The following ADARB1 variants were observed in gnomAD, a reference collection of about 807,000 sequenced individuals.
ADARB1 encodes the protein double-stranded RNA-specific editase 1.
Under a neutral mutation model 52.4 loss-of-function variants are expected in ADARB1, and 10 were observed. That is an observed-to-expected ratio of 0.19 (90% CI 0.12 to 0.32). ADARB1 has a LOEUF of 0.32. Ranked by LOEUF, ADARB1 falls within the 10% of genes least tolerant of loss-of-function variation. ADARB1 has a pLI of 1.00. For synonymous variants in ADARB1, 349 were observed against 371.1 expected (o/e 0.94, Z 0.68); for missense variants, 643 against 922.3 (o/e 0.70, Z 3.92).
rs2091971666 is a variant in ADARB1, at chr21:45,182,743, C to T, written c.1237C>T (p.Leu413Phe). The change falls in exon 6 of 11, where the codon CTT (leucine) becomes TTT (phenylalanine). Residue 413 changes from leucine to phenylalanine, a missense_variant. Leu to Phe is a conservative substitution (Grantham distance 22, BLOSUM62 0). Transcript: ENST00000348831. ...CAGATTTCTTTATACACAACTTGAG[C>T]TTTACTTAAAGTAAGTTTAGTAAAC... Reference protein sequence around the residue: ...LLRFLYTQLELYLNNKDDQKR... With the variant: ...LLRFLYTQLEFYLNNKDDQKR... 1 of 1,580,748 alleles carries T rather than the reference C, an allele frequency of 6.3e-7. No individual in the cohort carries two copies. The highest frequency in any genetic ancestry group is 8.6e-7 in the Non-Finnish European group (1 of 1,166,688).
intron 1 of ADARB1, among the ~76,000 whole-genome samples, chr21:45,085,464 C>A (rs910296565): frequency 6.6e-6 from 1 of 152,166 alleles, no homozygotes; most frequent in African/African-American, 2.4e-5. Context: ...ACTTCAGCGC[C>A]GTGGCTGCAG....
rs912345003 is a variant in ADARB1, at chr21:45,204,875, G to A, written c.1747+139G>A. The stretch of plus-strand genomic sequence containing the variant: ...CAGAGTCCTTCTAAAGAGACCCAAG[G>A]TGATGTTTCTGAGGCTCTCCGGGCC... On this transcript the variant is annotated intron_variant, in intron 9 of 10. Transcript: ENST00000348831. This position sits in a 1 kb window ranked among gnomAD's most constrained non-coding sequence, Gnocchi z 4.4. 1 of 939,306 alleles carries A rather than the reference G, an allele frequency of 1.1e-6. No homozygotes were observed. Among genetic ancestry groups the A allele is most frequent in the Non-Finnish European group, 1.5e-6 (1 of 648,226 alleles). The allele number at this position is 939,306 out of a possible 1,614,324, so 58.2% of individuals were successfully genotyped here. A position where few individuals can be genotyped will look rare whatever the true frequency, so the allele number is the denominator to read the frequency against.
At chr21:45,190,109 GT>G (rs2092240272) in intron 8 of ADARB1, among the ~76,000 whole-genome samples, 1 of 151,928 alleles carries the variant, frequency 6.6e-6, no homozygotes, top group Non-Finnish European at 1.5e-5. Context: ...TGTTCCGTAA[GT>G]CCCTTAGTCT....
intron 1 of ADARB1, among the ~76,000 whole-genome samples, chr21:45,101,286 C>T (rs1283537762): frequency 1.3e-5 from 2 of 152,170 alleles, no homozygotes; most frequent in South Asian, 2.1e-4. Flanking sequence ...GTGCCCTGCG[C>T]GCGGGCGGGC....
rs1357404832 is a variant in ADARB1 at position 45,225,739 on chromosome 21, T to C, written c.*3542T>C. ...TGCCCCAGGCATAAAGAAGGAAAAT[T>C]GGCCATCTTTCCCACCTCTAAATTC... On this transcript the variant is annotated 3_prime_UTR_variant, in exon 11 of 11. Coordinates refer to ENST00000348831, the MANE Select transcript of ADARB1 (RefSeq NM_001112.4). The C allele has an allele frequency of 8.9e-6, 4 of 448,460 alleles. No individual in the cohort carries two copies. The highest frequency in any genetic ancestry group is 1.5e-5 in the Non-Finnish European group (4 of 269,462). The allele number at this position is 448,460 out of a possible 1,614,324, so 27.8% of individuals were successfully genotyped here.
At chr21:45,096,219 G>C (rs553480718) in intron 1 of ADARB1, among the ~76,000 whole-genome samples, 6 of 152,254 alleles carry the variant, frequency 3.9e-5, no homozygotes, top group African/African-American at 1.2e-4. Context: ...GAGGAGGACC[G>C]GCTGGGCTAA....
At chr21:45,132,425 G>A (rs1326351754) in intron 2 of ADARB1, 1 of 152,212 alleles carries the variant, frequency 6.6e-6, no homozygotes. Context: ...CCTGGAACTA[G>A]GAAGCCAGAC....
Position 45,200,226 on chromosome 21 carries a change from G to T in ADARB1, c.1566-4329G>T, listed in dbSNP as rs1277600619. On this transcript the variant is annotated intron_variant, in intron 8 of 10. Transcript: ENST00000348831. This position sits in a 1 kb window ranked among gnomAD's most constrained non-coding sequence, Gnocchi z 5.0. ...GGCCCAGGGCCATGGTAGGTTGGGG[G>T]TGGGGTGGGAGCCACAGCACTGCCA... Among the ~76,000 whole-genome samples, 6 of 152,194 alleles carry T rather than the reference G, an allele frequency of 3.9e-5. No homozygotes were observed. The highest frequency in any genetic ancestry group is 1.4e-4 in the African/African-American group (6 of 41,452).
chr21:45,222,204 C>T lies in ADARB1; in HGVS notation c.*7C>T, dbSNP rs2092977999. 1.3e-6 allele frequency: 2 copies of T among 1,552,546 alleles called. No individual in the cohort carries two copies. Among genetic ancestry groups the T allele is most frequent in the Non-Finnish European group, 1.7e-6 (2 of 1,153,570 alleles). On this transcript the variant is annotated 3_prime_UTR_variant, in exon 11 of 11. Transcript: ENST00000348831. ...GTTCTCACTCACGCCCTGACCCGGG[C>T]AGACATGATGGGGGGTGCAGGGGGC... is the stretch of plus-strand genomic sequence containing the variant.
intron 1 of ADARB1, among the ~76,000 whole-genome samples, chr21:45,097,273 C>G (rs1270143528): frequency 2.6e-5 from 4 of 152,096 alleles, no homozygotes; most frequent in Non-Finnish European, 4.4e-5. Context: ...AAAAACTAAG[C>G]TTATGAGCTT....
chr21:45,163,058 A>T (rs775074586), intron 2 of ADARB1, among the ~76,000 whole-genome samples: 2 of 152,214 alleles, frequency 1.3e-5, no homozygotes, highest in Non-Finnish European at 1.5e-5. Context: ...GAGGCTTCCC[A>T]TCCAGAGTGA....
intron 5 of ADARB1, 48 bp downstream of exon 5, chr21:45,180,492 C>A: frequency 6.8e-7 from 1 of 1,462,588 alleles, no homozygotes; most frequent in Non-Finnish European, 9.5e-7. Context: ...TCATGTCTGA[C>A]AAATGTGAAA....
intron 2 of ADARB1, chr21:45,152,476 A>C (rs921708437): frequency 2.1e-5 from 5 of 237,796 alleles, no homozygotes; most frequent in African/African-American, 9.3e-5. Flanking sequence ...GCAGAGGAGG[A>C]GGCTCCCTCG....
chr21:45,107,510 A>C (rs1163562197), intron 1 of ADARB1, among the ~76,000 whole-genome samples: 1 of 152,244 alleles, frequency 6.6e-6, no homozygotes, highest in Non-Finnish European at 1.5e-5. Context: ...ATGAAGAACC[A>C]GACAGACCAA....
chr21:45,139,110 G>A (rs750338653), intron 2 of ADARB1, among the ~76,000 whole-genome samples: 4 of 151,978 alleles, frequency 2.6e-5, no homozygotes, highest in Non-Finnish European at 5.9e-5. Flanking sequence ...TTGTAGAGAC[G>A]GGGTTTTGCT....
intron 2 of ADARB1, among the ~76,000 whole-genome samples, chr21:45,164,068 G>A (rs1414298960): frequency 6.6e-6 from 1 of 152,158 alleles, no homozygotes; most frequent in Non-Finnish European, 1.5e-5. Flanking sequence ...AATGATAGAA[G>A]TTCATGCTTT....
In ADARB1 at chr21:45,172,971, T is replaced by G. The variant is rs535556133; in HGVS notation, c.28+1287T>G. Among the ~76,000 whole-genome samples, 1 of 152,328 alleles carries G rather than the reference T, an allele frequency of 6.6e-6. No homozygotes were observed. Among genetic ancestry groups the G allele is most frequent in the East Asian group, 1.9e-4 (1 of 5,192 alleles). ...AAGAGAGAGGTTACGTCCATACTCC[T>G]CATTTGAGAAAATGTGACCTGTGCT... On this transcript the variant is annotated intron_variant, in intron 3 of 10. Coordinates refer to ENST00000348831, the MANE Select transcript of ADARB1 (RefSeq NM_001112.4). The surrounding 1 kb of genome is among the most constrained non-coding windows in gnomAD (Gnocchi z 4.4).
At chr21:45,096,502 C>T (rs946113891) in intron 1 of ADARB1, among the ~76,000 whole-genome samples, 1 of 152,226 alleles carries the variant, frequency 6.6e-6, no homozygotes. Context: ...AGGGACAGCC[C>T]CAGTGCTCCC....
chr21:45,159,899 T>C (rs971491824), intron 2 of ADARB1, among the ~76,000 whole-genome samples: 7 of 152,264 alleles, frequency 4.6e-5, no homozygotes, highest in Admixed American at 3.3e-4. Context: ...GTCACTTCCA[T>C]GCGCTGTGTG....
Sources: allele counts gnomAD v4.1 joint callset (sites outside exome capture counted in the v4.1 genomes callset), GRCh38; gene constraint gnomAD v4.1.1; non-coding constraint Gnocchi (gnomAD v3.1); transcripts MANE v1.5; gene names NCBI Gene and HGNC (gene_info 2026-07-23, HGNC 2026-07-21).